LRRC75A: variants seen among roughly 807,000 people sequenced by gnomAD.
LRRC75A encodes the protein leucine rich repeat containing 75A.
LRRC75A carries 12 observed loss-of-function variants against 26.0 expected under a neutral mutation model. That is an observed-to-expected ratio of 0.46 (90% CI 0.30 to 0.75). The LOEUF is 0.75. LRRC75A is among the 30% of genes least tolerant of loss of function. The pLI, the probability that LRRC75A is intolerant of heterozygous loss-of-function variation, is 0.08. For synonymous variants in LRRC75A, 223 were observed against 219.3 expected, an observed-to-expected ratio of 1.02 and a Z score of -0.15; for missense variants, 410 against 486.6, an observed-to-expected ratio of 0.84 and a Z score of 1.48.
chr17:16,487,566 G>A (rs549369087), intron 1 of LRRC75A, among the ~76,000 whole-genome samples: 4 of 152,300 alleles, frequency 2.6e-5, no homozygotes, highest in East Asian at 1.9e-4. Context: ...AGTCTCCCAA[G>A]TAGCTGGGAC....
intron 2 of LRRC75A, among the ~76,000 whole-genome samples, chr17:16,451,347 C>T (rs147676454): frequency 0.011 from 1,634 of 152,236 alleles, 29 homozygotes; most frequent in African/African-American, 0.037. Context: ...GGGCCAGGCA[C>T]GGTGGCTCAC....
At chr17:16,464,105 C>A (rs1405459646) in intron 1 of LRRC75A, 1 of 152,226 alleles carries the variant, frequency 6.6e-6, no homozygotes, top group Non-Finnish European at 1.5e-5. Flanking sequence ...TCTGCCCCCA[C>A]CCTCATTAAC....
intron 2 of LRRC75A, among the ~76,000 whole-genome samples, chr17:16,457,838 G>A (rs2093697058): frequency 6.6e-6 from 1 of 151,868 alleles, no homozygotes; most frequent in Admixed American, 6.6e-5. Flanking sequence ...GCTAGGCATG[G>A]TGGTGCCTGC....
At chr17:16,479,334 T>C (rs1301516221) in intron 1 of LRRC75A, among the ~76,000 whole-genome samples, 1 of 152,194 alleles carries the variant, frequency 6.6e-6, no homozygotes, top group Non-Finnish European at 1.5e-5. Flanking sequence ...CTCAGGTGAT[T>C]TGAGAAGGCT....
chr17:16,453,327 C>T (rs1053293973), intron 2 of LRRC75A, among the ~76,000 whole-genome samples: 7 of 137,234 alleles, frequency 5.1e-5, no homozygotes, highest in African/African-American at 8.6e-5. Flanking sequence ...CACGCACACA[C>T]GCACACGCAC....
chr17:16,476,775 A>C (rs556248823), intron 1 of LRRC75A, among the ~76,000 whole-genome samples: 1 of 112,560 alleles, frequency 8.9e-6, no homozygotes, highest in Non-Finnish European at 1.7e-5. Flanking sequence ...GTCTTGCTCT[A>C]TCACCCAGGC....
chr17:16,446,579 G>C (rs1467587523), intron 3 of LRRC75A, among the ~76,000 whole-genome samples: 1 of 152,102 alleles, frequency 6.6e-6, no homozygotes, highest in East Asian at 1.9e-4. Context: ...GGGGCGAGGA[G>C]AGCAAATCAG....
chr17:16,490,459 G>A (rs897461063), intron 1 of LRRC75A, among the ~76,000 whole-genome samples: 5 of 152,176 alleles, frequency 3.3e-5, no homozygotes, highest in Non-Finnish European at 5.9e-5. Flanking sequence ...ATCCAGCAGC[G>A]TCTCGGGCAT....
chr17:16,458,856 C>T (rs937544766), intron 2 of LRRC75A, among the ~76,000 whole-genome samples: 2 of 152,068 alleles, frequency 1.3e-5, no homozygotes, highest in Non-Finnish European at 2.9e-5. Context: ...CCTACTTAAG[C>T]GGCCCCTGCA....
chr17:16,480,406 G>C (rs1415615861), intron 1 of LRRC75A, among the ~76,000 whole-genome samples: 12 of 152,022 alleles, frequency 7.9e-5, no homozygotes, highest in Admixed American at 7.2e-4. Flanking sequence ...GAGGTGGGCG[G>C]AATGCCTGAG....
At chr17:16,466,085 GCTAA>G (rs913672640) in intron 1 of LRRC75A, among the ~76,000 whole-genome samples, 16 of 152,242 alleles carry the variant, frequency 1.1e-4, no homozygotes, top group African/African-American at 3.9e-4. Flanking sequence ...GGATGCTTGT[GCTAA>G]CTGAGGGCAC....
intron 1 of LRRC75A, among the ~76,000 whole-genome samples, chr17:16,484,838 G>A (rs2093842657): frequency 2.0e-5 from 3 of 152,052 alleles, no homozygotes; most frequent in East Asian, 1.9e-4. Flanking sequence ...ACTCTCAGCT[G>A]TGCTCCTGTG....
chr17:16,451,439 G>T (rs1273826429), intron 2 of LRRC75A, among the ~76,000 whole-genome samples: 2 of 151,980 alleles, frequency 1.3e-5, no homozygotes, highest in African/African-American at 4.8e-5. Context: ...TGGCCAACAT[G>T]GCAAAACCCT....
chr17:16,480,811 C>T (rs887927458), intron 1 of LRRC75A, among the ~76,000 whole-genome samples: 21 of 152,106 alleles, frequency 1.4e-4, no homozygotes, highest in East Asian at 3.9e-4. Flanking sequence ...CTGCCTGTGA[C>T]GAGGGAAGTC....
chr17:16,472,024 C>T (rs764132603), intron 1 of LRRC75A, among the ~76,000 whole-genome samples: 2 of 152,102 alleles, frequency 1.3e-5, no homozygotes, highest in Non-Finnish European at 2.9e-5. Context: ...GTGCTTAATG[C>T]CACTGAACTG....
chr17:16,446,269 A>C (rs1215563906), intron 3 of LRRC75A, among the ~76,000 whole-genome samples: 1 of 152,198 alleles, frequency 6.6e-6, no homozygotes, highest in South Asian at 2.1e-4. Flanking sequence ...TATCCTAGAC[A>C]CTAGGGTCAC....
At chr17:16,448,387 GAACAA>G (rs1295753106) in intron 2 of LRRC75A, 1 of 210,494 alleles carries the variant, frequency 4.8e-6, no homozygotes, top group Non-Finnish European at 9.8e-6. Flanking sequence ...ATATGGCCAT[GAACAA>G]ATGTTCGTGT....
chr17:16,457,756 A>G (rs1258834632), intron 2 of LRRC75A, among the ~76,000 whole-genome samples: 5 of 152,052 alleles, frequency 3.3e-5, no homozygotes, highest in African/African-American at 1.2e-4. Context: ...GCTTGAGGCC[A>G]GGAGTTTGAG....
chr17:16,476,130 G>A (rs1419572646), intron 1 of LRRC75A, among the ~76,000 whole-genome samples: 1 of 152,186 alleles, frequency 6.6e-6, no homozygotes, highest in Non-Finnish European at 1.5e-5. Context: ...GGGAGGCGGA[G>A]CTTGCAGTGA....
Sources: allele counts gnomAD v4.1 joint callset (sites outside exome capture counted in the v4.1 genomes callset), GRCh38; gene constraint gnomAD v4.1.1; transcripts MANE v1.5; gene names NCBI Gene and HGNC (gene_info 2026-07-23, HGNC 2026-07-21).